ELAVL2: variants seen among roughly 807,000 people sequenced by gnomAD.
The protein encoded by ELAVL2 is ELAV like RNA binding protein 2.
Under a neutral mutation model 34.6 loss-of-function variants are expected in ELAVL2, and 4 were observed. The observed-to-expected ratio is 0.12, with a 90% confidence interval of 0.06 to 0.26. ELAVL2 has a LOEUF of 0.26. Ranked by LOEUF, ELAVL2 falls within the 10% of genes least tolerant of loss-of-function variation. ELAVL2 has a pLI of 1.00. For synonymous variants in ELAVL2, 193 were observed against 154.8 expected, an observed-to-expected ratio of 1.25 and a Z score of -1.83; for missense variants, 432 against 442.8, an observed-to-expected ratio of 0.98 and a Z score of 0.22.
the ELAVL2 span, among the ~76,000 whole-genome samples, chr9:23,834,131 T>C: frequency 6.6e-6 from 1 of 151,970 alleles, no homozygotes; most frequent in Non-Finnish European, 1.5e-5. Flanking sequence ...TTTTACGAAA[T>C]GATAGTAAAT....
intron 1 of ELAVL2, chr9:23,821,701 G>C (rs1272368017): frequency 6.6e-6 from 1 of 152,554 alleles, no homozygotes; most frequent in Non-Finnish European, 1.5e-5. Context: ...CGGAGAGGCG[G>C]TGGCGGCGGC....
At chr9:23,753,350 A>C (rs773200858) in intron 2 of ELAVL2, among the ~76,000 whole-genome samples, 3 of 152,150 alleles carry the variant, frequency 2.0e-5, no homozygotes, top group Non-Finnish European at 2.9e-5. Context: ...TATTCTGTTC[A>C]GGAATATTTG....
At chr9:23,731,255 T>A in intron 2 of ELAVL2, 130 bp from the exon 3 acceptor site, 1 of 666,014 alleles carries the variant, frequency 1.5e-6, no homozygotes, top group Non-Finnish European at 2.3e-6. Flanking sequence ...AACTCTCTAT[T>A]AATTCTAGAA....
the ELAVL2 span, among the ~76,000 whole-genome samples, chr9:23,834,524 T>C: frequency 2.9e-4 from 44 of 152,120 alleles, no homozygotes; most frequent in African/African-American, 9.6e-4. Context: ...AAGTATAAAA[T>C]ACTCAAAACT....
chr9:23,794,648 T>C (rs557962491), intron 1 of ELAVL2, among the ~76,000 whole-genome samples: 1 of 152,322 alleles, frequency 6.6e-6, no homozygotes, highest in East Asian at 1.9e-4. Context: ...ACCAGACTAA[T>C]TATTAAAATT....
chr9:23,738,121 A>G (rs926008702), intron 2 of ELAVL2, among the ~76,000 whole-genome samples: 1 of 152,216 alleles, frequency 6.6e-6, no homozygotes, highest in African/African-American at 2.4e-5. Context: ...CTGTTCAGAC[A>G]GGCTGTGCAC....
intron 1 of ELAVL2, among the ~76,000 whole-genome samples, chr9:23,769,504 A>C (rs1018893789): frequency 6.6e-6 from 1 of 152,224 alleles, no homozygotes; most frequent in East Asian, 1.9e-4. Flanking sequence ...TAACAATGTC[A>C]GTTACAGGAA....
the ELAVL2 span, chr9:23,831,648 G>A: frequency 3.9e-5 from 6 of 152,278 alleles, no homozygotes; most frequent in African/African-American, 1.4e-4. Context: ...CCAATGTAGA[G>A]AGAAGCCCAG....
chr9:23,761,658 G>A (rs955624040), intron 2 of ELAVL2, among the ~76,000 whole-genome samples: 2 of 151,842 alleles, frequency 1.3e-5, no homozygotes, highest in South Asian at 2.1e-4. Context: ...AACACATATT[G>A]TATCTCACTG....
intron 1 of ELAVL2, among the ~76,000 whole-genome samples, chr9:23,823,950 A>T (rs2065117614): frequency 6.6e-6 from 1 of 152,224 alleles, no homozygotes; most frequent in Admixed American, 6.5e-5. Context: ...TATAATAAAT[A>T]GGGGTGCGGA....
intron 2 of ELAVL2, among the ~76,000 whole-genome samples, chr9:23,756,767 C>T (rs1229283593): frequency 2.0e-5 from 3 of 152,112 alleles, no homozygotes; most frequent in Non-Finnish European, 1.5e-5. Flanking sequence ...CCATAACGCC[C>T]TAAATCTAGA....
chr9:23,694,502 C>T (rs2034403155), intron 5 of ELAVL2, among the ~76,000 whole-genome samples: 1 of 151,828 alleles, frequency 6.6e-6, no homozygotes, highest in East Asian at 1.9e-4. Context: ...CTACAATGCT[C>T]AACACTCTCC....
chr9:23,813,889 T>G (rs62541670), intron 1 of ELAVL2, among the ~76,000 whole-genome samples: 41 of 152,186 alleles, frequency 2.7e-4, no homozygotes, highest in Non-Finnish European at 5.7e-4. Context: ...ACACTTAACT[T>G]TTTAATTCAC....
chr9:23,752,829 C>A (rs907233690), intron 2 of ELAVL2, among the ~76,000 whole-genome samples: 2 of 151,762 alleles, frequency 1.3e-5, no homozygotes, highest in African/African-American at 4.8e-5. Context: ...TAAGGTAAAT[C>A]TTTGTTCTAA....
At chr9:23,807,031 CA>C (rs560100733) in intron 1 of ELAVL2, among the ~76,000 whole-genome samples, 2 of 151,968 alleles carry the variant, frequency 1.3e-5, no homozygotes, top group African/African-American at 4.8e-5. Flanking sequence ...TATCCACCTA[CA>C]AAAAAATGCT....
At chr9:23,741,908 G>A (rs2049297017) in intron 2 of ELAVL2, among the ~76,000 whole-genome samples, 1 of 152,110 alleles carries the variant, frequency 6.6e-6, no homozygotes, top group Non-Finnish European at 1.5e-5. Context: ...TGCCTCTTGT[G>A]TTCTGGCTTT....
At chr9:23,778,885 T>C (rs1302549163) in intron 1 of ELAVL2, among the ~76,000 whole-genome samples, 1 of 152,212 alleles carries the variant, frequency 6.6e-6, no homozygotes, top group African/African-American at 2.4e-5. Context: ...GGCCTGTTTA[T>C]ACTACTATGG....
intron 1 of ELAVL2, among the ~76,000 whole-genome samples, chr9:23,778,233 A>C (rs1047885374): frequency 6.6e-6 from 1 of 152,194 alleles, no homozygotes; most frequent in Non-Finnish European, 1.5e-5. Context: ...GGACAAAGGA[A>C]AAGTGGCAAG....
chr9:23,700,445 T>TA (rs966687086), intron 5 of ELAVL2, among the ~76,000 whole-genome samples: 1 of 152,186 alleles, frequency 6.6e-6, no homozygotes, highest in African/African-American at 2.4e-5. Flanking sequence ...GAATAAAACT[T>TA]AAACAGTTAG....
Sources: gnomAD v4.1 joint callset for allele counts (sites outside exome capture counted in the v4.1 genomes callset) on GRCh38, gnomAD v4.1.1 for gene constraint, MANE v1.5 for transcripts, NCBI Gene and HGNC (gene_info 2026-07-23, HGNC 2026-07-21) for gene names.